TLE4: variants seen among roughly 807,000 people sequenced by gnomAD.
The protein encoded by TLE4 is transducin-like enhancer protein 4.
Under a neutral mutation model 92.8 loss-of-function variants are expected in TLE4, and 8 were observed. The ratio of observed to expected loss-of-function variants is 0.09; its 90% CI spans 0.05 to 0.16. TLE4 has a LOEUF of 0.16. Ranked by LOEUF, TLE4 falls within the 10% of genes least tolerant of loss-of-function variation. TLE4 has a pLI of 1.00. For missense variants in TLE4, 675 were observed against 997.6 expected, an observed-to-expected ratio of 0.68 and a Z score of 4.36; for synonymous variants, 371 against 374.1, an observed-to-expected ratio of 0.99 and a Z score of 0.10.
intron 8 of TLE4, among the ~76,000 whole-genome samples, chr9:79,662,063 C>T (rs1218411076): frequency 6.6e-6 from 1 of 152,176 alleles, no homozygotes. Flanking sequence ...TCTGCATCCA[C>T]TAAATGTTCG....
intron 4 of TLE4, among the ~76,000 whole-genome samples, chr9:79,596,022 A>ATT (rs2043890099): frequency 6.6e-6 from 1 of 151,214 alleles, no homozygotes; most frequent in Admixed American, 6.6e-5. Context: ...ATTTTTTTGT[A>ATT]TTTTTAGTAG....
chr9:79,680,024 G>C (rs912383928), intron 8 of TLE4, among the ~76,000 whole-genome samples: 29 of 151,600 alleles, frequency 1.9e-4, no homozygotes, highest in African/African-American at 6.8e-4. Context: ...CTGTAGCCTT[G>C]TAGTATAGTT....
At chr9:79,661,865 A>G (rs1038244629) in intron 8 of TLE4, among the ~76,000 whole-genome samples, 1 of 152,224 alleles carries the variant, frequency 6.6e-6, no homozygotes, top group Non-Finnish European at 1.5e-5. Context: ...GTAATGTAAC[A>G]TAAGAAATTC....
In TLE4 at chr9:79,725,086, A is replaced by G; in HGVS notation, c.2264A>G (p.Lys755Arg). The G allele has an allele frequency of 6.2e-7, 1 of 1,614,016 alleles. No homozygotes were observed. Among genetic ancestry groups the G allele is most frequent in the Non-Finnish European group, 8.5e-7 (1 of 1,179,958 alleles). The change falls in exon 20 of 20, where the codon AAA becomes AGA. Residue 755 changes from lysine (K) to arginine (R), a missense_variant. Transcript: ENST00000376552. Reference protein sequence around the residue: ...VLSCDISVDDKYIVTGSGDKK... With the variant: ...VLSCDISVDDRYIVTGSGDKK... ...AGCTGTGACATCTCCGTGGACGACA[A>G]ATACATTGTCACTGGCTCTGGGGAT... is the stretch of plus-strand genomic sequence containing the variant.
At position 79,573,794 on chromosome 9, in the gene TLE4, T is replaced by C; in HGVS notation, c.143+8T>C. The C allele has an allele frequency of 5.1e-6, 8 of 1,566,332 alleles. No homozygotes were observed. The highest frequency in any genetic ancestry group is 7.0e-6 in the Non-Finnish European group (8 of 1,144,474). On this transcript the variant is annotated splice_region_variant and intron_variant, in intron 2 of 19. Transcript: ENST00000376552. ...ACAGGCTCAATACCACAGGTAACGA[T>C]ATTGACTTTAGCTGATCCTTCTGTT...
chr9:79,725,018 T>G lies in TLE4; in HGVS notation c.2215-19T>G, dbSNP rs779471517. ...TTCTTTCAGTATTTAACATTTTTGA[T>G]TATATGTTTCTTTCCTAGTCCAAAG... On this transcript the variant is annotated intron_variant, in intron 19 of 19. Coordinates refer to ENST00000376552, the MANE Select transcript of TLE4 (RefSeq NM_007005.6). 6.3e-7 allele frequency: 1 copy of G among 1,585,476 alleles called. No individual in the cohort carries two copies. The highest frequency in any genetic ancestry group is 8.7e-7 in the Non-Finnish European group (1 of 1,154,126).
intron 8 of TLE4, among the ~76,000 whole-genome samples, chr9:79,696,182 A>G (rs2068213020): frequency 6.6e-6 from 1 of 152,226 alleles, no homozygotes; most frequent in African/African-American, 2.4e-5. Flanking sequence ...TAATTTTCAT[A>G]TTAATATGTG....
intron 8 of TLE4, among the ~76,000 whole-genome samples, chr9:79,667,081 C>T (rs971650227): frequency 3.3e-5 from 5 of 152,232 alleles, no homozygotes; most frequent in East Asian, 1.9e-4. Context: ...CTTCATCGAA[C>T]CCCTACAGCT....
chr9:79,649,134 G>A (rs1432487304), intron 6 of TLE4, among the ~76,000 whole-genome samples: 3 of 152,152 alleles, frequency 2.0e-5, no homozygotes, highest in Non-Finnish European at 4.4e-5. Context: ...AGAATGGTGG[G>A]CCTGCAGTCC....
intron 5 of TLE4, among the ~76,000 whole-genome samples, chr9:79,620,802 G>T (rs911665834): frequency 2.6e-5 from 4 of 152,142 alleles, no homozygotes; most frequent in African/African-American, 9.7e-5. Flanking sequence ...CACAAGCATG[G>T]CACCAACATT....
intron 4 of TLE4, among the ~76,000 whole-genome samples, chr9:79,592,131 C>A (rs1346708355): frequency 6.6e-6 from 1 of 150,874 alleles, no homozygotes; most frequent in Non-Finnish European, 1.5e-5. Context: ...CTTCTTTCTT[C>A]TTCTTTCTTC....
Position 79,708,756 on chromosome 9 carries a change from T to C in TLE4, c.1233T>C (p.Ala411=), listed in dbSNP as rs775123637. The C allele has an allele frequency of 5.7e-5, 91 of 1,605,848 alleles. No individual in the cohort carries two copies. The highest frequency in any genetic ancestry group is 4.1e-4 in the African/African-American group (31 of 74,904). The change falls in exon 13 of 20, where the codon GCT becomes GCC. Residue 411 remains alanine (A), a synonymous_variant. Transcript: ENST00000376552. ...TGAGCGCAGCTGCTGCCGCCGCCGC[T>C]GCTGCTGCTGCCTATGGGAGATCAC... ...PQMSAAAAAA[A]AAAAYGRSPV...
chr9:79,708,286 C>G, intron 12 of TLE4, 36 bp downstream of exon 12: 1 of 1,606,516 alleles, frequency 6.2e-7, no homozygotes, highest in East Asian at 2.2e-5. Flanking sequence ...TATTTTTATG[C>G]TCGTTTTTAA....
chr9:79,690,194 C>T (rs2066757399), intron 8 of TLE4, among the ~76,000 whole-genome samples: 1 of 152,132 alleles, frequency 6.6e-6, no homozygotes, highest in South Asian at 2.1e-4. Context: ...CTTGAAATAG[C>T]CTCAGTGCAG....
At chr9:79,606,203 T>G (rs1484204951) in intron 4 of TLE4, among the ~76,000 whole-genome samples, 2 of 119,610 alleles carry the variant, frequency 1.7e-5, no homozygotes, top group African/African-American at 3.0e-5. Flanking sequence ...TTTTTTTTTT[T>G]TTTTTTTTTT....
intron 13 of TLE4, among the ~76,000 whole-genome samples, chr9:79,709,357 A>G (rs916716452): frequency 6.6e-6 from 1 of 152,244 alleles, no homozygotes; most frequent in African/African-American, 2.4e-5. Flanking sequence ...ATCACATAGT[A>G]TAATGAATGT....
intron 4 of TLE4, among the ~76,000 whole-genome samples, chr9:79,580,643 A>C (rs1325297528): frequency 6.6e-6 from 1 of 151,672 alleles, no homozygotes; most frequent in Admixed American, 6.6e-5. Context: ...TCTTAGATTT[A>C]GAAGAGTAGA....
intron 14 of TLE4, among the ~76,000 whole-genome samples, chr9:79,711,836 T>C (rs2073365770): frequency 6.6e-6 from 1 of 152,192 alleles, no homozygotes; most frequent in Non-Finnish European, 1.5e-5. Flanking sequence ...AGAATTTTTG[T>C]TTATGAGAGT....
intron 14 of TLE4, among the ~76,000 whole-genome samples, chr9:79,712,487 A>G (rs529640047): frequency 4.6e-5 from 7 of 152,316 alleles, no homozygotes; most frequent in South Asian, 2.1e-4. Context: ...AAAATAAAAT[A>G]AAAAATCACC....
Sources: allele counts gnomAD v4.1 joint callset (sites outside exome capture counted in the v4.1 genomes callset), GRCh38; gene constraint gnomAD v4.1.1; transcripts MANE v1.5; gene names NCBI Gene and HGNC (gene_info 2026-07-23, HGNC 2026-07-21).